Variants in SOS1 observed in about 807,000 individuals in gnomAD.
SOS1 encodes the protein SOS Ras/Rac guanine nucleotide exchange factor 1.
Under a neutral mutation model 157.6 loss-of-function variants are expected in SOS1, and 25 were observed. The observed-to-expected ratio is 0.16, with a 90% CI of 0.12 to 0.22. The LOEUF is 0.22. Ranked by LOEUF, SOS1 falls within the 10% of genes least tolerant of loss-of-function variation. The pLI, the probability that SOS1 is intolerant of heterozygous loss-of-function variation, is 1.00. For synonymous variants in SOS1, 528 were observed against 534.0 expected, an observed-to-expected ratio of 0.99 and a Z score of 0.16; for missense variants, 1,237 against 1,599.1, an observed-to-expected ratio of 0.77 and a Z score of 3.86.
At chr2:39,069,658 CT>C (rs1195228355) in intron 1 of SOS1, among the ~76,000 whole-genome samples, 2 of 151,998 alleles carry the variant, frequency 1.3e-5, no homozygotes, top group African/African-American at 2.4e-5. Context: ...AGCAATTCTC[CT>C]GCCTCCGCCT....
intron 21 of SOS1, among the ~76,000 whole-genome samples, chr2:38,988,105 G>C (rs1222364166): frequency 1.3e-5 from 2 of 152,170 alleles, no homozygotes; most frequent in Non-Finnish European, 2.9e-5. Context: ...AAGAATCATA[G>C]TGTCTAGGTG....
At chr2:39,039,260 T>C (rs1190844057) in intron 6 of SOS1, among the ~76,000 whole-genome samples, 1 of 152,246 alleles carries the variant, frequency 6.6e-6, no homozygotes, top group African/African-American at 2.4e-5. Context: ...TTTATTGCAG[T>C]AGTCTGAAAC....
intron 10 of SOS1, among the ~76,000 whole-genome samples, chr2:39,015,719 G>A (rs928999992): frequency 6.6e-6 from 1 of 151,246 alleles, no homozygotes; most frequent in East Asian, 1.9e-4. Flanking sequence ...TAAAGAGGGG[G>A]AAAGACATCT....
intron 8 of SOS1, among the ~76,000 whole-genome samples, chr2:39,027,989 C>T (rs1214384128): frequency 6.6e-6 from 1 of 152,066 alleles, no homozygotes; most frequent in Non-Finnish European, 1.5e-5. Context: ...TGTTACCACA[C>T]CCAGAAAATT....
chr2:38,982,117 C>T lies in SOS1; in HGVS notation c.*3707G>A, dbSNP rs1003001569. On this transcript the variant is annotated 3_prime_UTR_variant, in exon 23 of 23. Transcript: ENST00000402219. ...GTAGTCCAATGTGACCCACTGTTAG[C>T]TAATTTGCTTTATAATTCTGCAGCA... 6 of 152,110 alleles carry T rather than the reference C, an allele frequency of 3.9e-5. No individual in the cohort carries two copies. The highest frequency in any genetic ancestry group is 6.6e-5 in the Admixed American group (1 of 15,250). The allele number at this position is 152,110 out of a possible 1,614,324, so 9.4% of individuals were successfully genotyped here.
intron 8 of SOS1, among the ~76,000 whole-genome samples, chr2:39,027,802 T>C (rs1670014265): frequency 6.6e-6 from 1 of 152,182 alleles, no homozygotes; most frequent in Admixed American, 6.5e-5. Context: ...GAGATTGTAC[T>C]TAAACTCATC....
chr2:39,030,244 GAAAA>G (rs60498470), intron 8 of SOS1, among the ~76,000 whole-genome samples: 2 of 125,624 alleles, frequency 1.6e-5, no homozygotes, highest in African/African-American at 6.0e-5. Context: ...AAAGAAAACA[GAAAA>G]AAAAAAAAAA....
At chr2:39,074,956 A>G (rs1379059678) in intron 1 of SOS1, among the ~76,000 whole-genome samples, 1 of 152,100 alleles carries the variant, frequency 6.6e-6, no homozygotes, top group Non-Finnish European at 1.5e-5. Context: ...ACCAAAAAGT[A>G]CATGTAGGGA....
At chr2:39,019,641 A>T (rs961001900) in intron 10 of SOS1, among the ~76,000 whole-genome samples, 3 of 151,710 alleles carry the variant, frequency 2.0e-5, no homozygotes, top group African/African-American at 7.2e-5. Flanking sequence ...CAAGTTAACC[A>T]CTTTCTAATT....
At chr2:38,987,416 T>G in intron 22 of SOS1, 57 bp downstream of exon 22, 2 of 882,254 alleles carry the variant, frequency 2.3e-6, no homozygotes. Context: ...AGACAGCCGT[T>G]TATTATAATG....
intron 6 of SOS1, among the ~76,000 whole-genome samples, chr2:39,050,107 C>G (rs1214238782): frequency 6.6e-6 from 1 of 152,078 alleles, no homozygotes; most frequent in Non-Finnish European, 1.5e-5. Context: ...AATGGAAGGG[C>G]TGTGGTGATG....
In SOS1 at chr2:39,054,790, C is replaced by A; in HGVS notation, c.544G>T (p.Asp182Tyr). The change falls in exon 5 of 23, where the codon GAT becomes TAT. Residue 182 changes from aspartate (D) to tyrosine (Y), a missense_variant. Coordinates refer to ENST00000402219, the MANE Select transcript of SOS1 (RefSeq NM_005633.4). ...TCAGTTAAAGATAATATATTAATAT[C>A]TTCTACATCTTGATGAAACATATCC... is the stretch of plus-strand genomic sequence containing the variant. ...LMDMFHQDVE[D>Y]INILSLTDEE... The A allele has an allele frequency of 6.5e-7, 1 of 1,546,224 alleles. No individual in the cohort carries two copies. Among genetic ancestry groups the A allele is most frequent in the Non-Finnish European group, 8.9e-7 (1 of 1,118,514 alleles).
intron 20 of SOS1, chr2:38,993,614 T>TTGG (rs1362953448): frequency 6.6e-6 from 1 of 152,194 alleles, no homozygotes; most frequent in African/African-American, 2.4e-5. Context: ...GTTAGATTTC[T>TTGG]TCCAACTGAG....
chr2:39,067,579 C>A, intron 2 of SOS1, 49 bp downstream of exon 2: 1 of 1,558,946 alleles, frequency 6.4e-7, no homozygotes, highest in South Asian at 1.1e-5. Context: ...ACATTACAAC[C>A]AACACACAAA....
At chr2:39,053,046 G>A (rs1187563661) in intron 5 of SOS1, among the ~76,000 whole-genome samples, 2 of 152,084 alleles carry the variant, frequency 1.3e-5, no homozygotes, top group Admixed American at 1.3e-4. Flanking sequence ...CCAGCTACAC[G>A]GGAGGCTGAG....
chr2:39,052,003 CAAG>C (rs1671034268), intron 5 of SOS1, among the ~76,000 whole-genome samples: 1 of 152,130 alleles, frequency 6.6e-6, no homozygotes, highest in South Asian at 2.1e-4. Context: ...TTCATTACCA[CAAG>C]AAGAAAACCT....
At chr2:39,092,363 C>G (rs540550731) in intron 1 of SOS1, among the ~76,000 whole-genome samples, 1 of 152,134 alleles carries the variant, frequency 6.6e-6, no homozygotes, top group Non-Finnish European at 1.5e-5. Context: ...TTCTAGGGTG[C>G]TCCTCCACCA....
At chr2:39,065,440 T>A (rs1256397434) in intron 2 of SOS1, among the ~76,000 whole-genome samples, 5 of 152,200 alleles carry the variant, frequency 3.3e-5, no homozygotes, top group Non-Finnish European at 5.9e-5. Context: ...CTTAATTCTA[T>A]AAAGACCTCA....
chr2:39,112,945 A>G (rs1322073251), intron 1 of SOS1, among the ~76,000 whole-genome samples: 1 of 152,044 alleles, frequency 6.6e-6, no homozygotes, highest in African/African-American at 2.4e-5. Context: ...AGGCTGAGGC[A>G]GAGTTGCTGG....
Sources: gnomAD v4.1 joint callset for allele counts (sites outside exome capture counted in the v4.1 genomes callset) on GRCh38, gnomAD v4.1.1 for gene constraint, MANE v1.5 for transcripts, NCBI Gene and HGNC (gene_info 2026-07-23, HGNC 2026-07-21) for gene names.